The following FBXL7 variants were observed in gnomAD, a reference collection of about 807,000 sequenced individuals.
The protein encoded by FBXL7 is F-box and leucine rich repeat protein 7, also known as F-box/LRR-repeat protein 7.
FBXL7 carries 12 observed loss-of-function variants against 38.3 expected under a neutral mutation model. The ratio of observed to expected loss-of-function variants is 0.31; its 90% CI spans 0.20 to 0.51. The LOEUF (loss-of-function observed/expected upper bound fraction) is 0.51, where lower values mean the gene tolerates loss of function less well. Among genes scored for constraint, FBXL7 ranks in the 20% least tolerant of loss-of-function variants. The probability of loss-of-function intolerance (pLI) is 0.98; values close to 1 mark genes in which losing one functional copy is unlikely to be tolerated. For missense variants in FBXL7, 567 were observed against 676.4 expected (o/e 0.84, Z 1.79); for synonymous variants, 297 against 300.9 (o/e 0.99, Z 0.13).
intron 1 of FBXL7, among the ~76,000 whole-genome samples, chr5:15,562,264 G>A (rs979686192): frequency 2.0e-5 from 3 of 152,058 alleles, no homozygotes; most frequent in Non-Finnish European, 2.9e-5. Context: ...TAAACAGTGA[G>A]GTTACATCAA....
intron 1 of FBXL7, among the ~76,000 whole-genome samples, chr5:15,520,091 A>G (rs1450132740): frequency 8.5e-5 from 13 of 152,172 alleles, no homozygotes; most frequent in Admixed American, 8.5e-4. Flanking sequence ...TTGCCATGGC[A>G]TTTGTAAACT....
chr5:15,839,847 T>C (rs1195664043), intron 2 of FBXL7, among the ~76,000 whole-genome samples: 1 of 152,168 alleles, frequency 6.6e-6, no homozygotes, highest in African/African-American at 2.4e-5. Flanking sequence ...CCCCCACTTT[T>C]GGAAGGAGAG....
intron 1 of FBXL7, among the ~76,000 whole-genome samples, chr5:15,560,479 C>T (rs1258002606): frequency 2.6e-5 from 4 of 152,160 alleles, no homozygotes; most frequent in African/African-American, 9.7e-5. Flanking sequence ...CCTGGGCTCC[C>T]AACAGCTCAT....
chr5:15,543,004 G>A (rs1737798799), intron 1 of FBXL7, among the ~76,000 whole-genome samples: 1 of 152,184 alleles, frequency 6.6e-6, no homozygotes, highest in Admixed American at 6.5e-5. Flanking sequence ...AGGTTCCTGA[G>A]CAGTGAAGTT....
intron 2 of FBXL7, among the ~76,000 whole-genome samples, chr5:15,648,985 G>GT (rs1013051925): frequency 6.8e-6 from 1 of 146,836 alleles, no homozygotes; most frequent in Non-Finnish European, 1.5e-5. Flanking sequence ...CTTATTTTCT[G>GT]TTTTTTGTTT....
chr5:15,501,605 G>C, intron 1 of FBXL7: 1 of 985,542 alleles, frequency 1.0e-6, no homozygotes. Flanking sequence ...GAGGACAGTT[G>C]GTTACAAAGG....
At chr5:15,856,903 G>A (rs374948645) in intron 2 of FBXL7, among the ~76,000 whole-genome samples, 56 of 152,000 alleles carry the variant, frequency 3.7e-4, no homozygotes, top group African/African-American at 1.0e-3. Flanking sequence ...TGCATATTGC[G>A]GTCATTTTTA....
At chr5:15,870,052 G>A (rs1436072169) in intron 2 of FBXL7, among the ~76,000 whole-genome samples, 2 of 152,134 alleles carry the variant, frequency 1.3e-5, no homozygotes, top group African/African-American at 2.4e-5. Context: ...TAAGGATATA[G>A]TGATCCGCGA....
chr5:15,822,704 A>G (rs1390300672), intron 2 of FBXL7, among the ~76,000 whole-genome samples: 1 of 148,324 alleles, frequency 6.7e-6, no homozygotes, highest in Non-Finnish European at 1.5e-5. Context: ...CTTAGCAGGT[A>G]CCATGCACTG....
At chr5:15,851,757 T>C (rs1434056766) in intron 2 of FBXL7, among the ~76,000 whole-genome samples, 1 of 152,034 alleles carries the variant, frequency 6.6e-6, no homozygotes, top group Admixed American at 6.6e-5. Context: ...TAAGCCTGTG[T>C]ATTGCTATTC....
At chr5:15,767,861 T>G (rs915912195) in intron 2 of FBXL7, among the ~76,000 whole-genome samples, 1 of 152,230 alleles carries the variant, frequency 6.6e-6, no homozygotes, top group African/African-American at 2.4e-5. Context: ...AAAATGTCTT[T>G]AGAACCTAAA....
chr5:15,658,715 GC>G (rs1741959474), intron 2 of FBXL7, among the ~76,000 whole-genome samples: 1 of 152,114 alleles, frequency 6.6e-6, no homozygotes, highest in South Asian at 2.1e-4. Flanking sequence ...GTGACTGGGG[GC>G]TGCATGCACC....
In FBXL7 at chr5:15,923,291, T is replaced by C. The variant is rs115678134; in HGVS notation, c.128-4599T>C. On this transcript the variant is annotated intron_variant, in intron 2 of 3. Transcript: ENST00000504595. ...GTACAAAGAGTACACCTGGTCTTTC[T>C]ACATTCTCTTCTGTGAACGAAATAT... 3.6e-3 allele frequency among the ~76,000 whole-genome samples: 553 copies of C among 152,324 alleles called. 3 individuals are homozygous for C. Among genetic ancestry groups the C allele is most frequent in the African/African-American group, 0.013 (536 of 41,568 alleles).
At chr5:15,702,783 G>A (rs1743568950) in intron 2 of FBXL7, among the ~76,000 whole-genome samples, 1 of 152,128 alleles carries the variant, frequency 6.6e-6, no homozygotes, top group African/African-American at 2.4e-5. Flanking sequence ...CTTTGTGTGA[G>A]CAATAAAGCT....
chr5:15,816,251 G>GTATA (rs78105043), intron 2 of FBXL7, among the ~76,000 whole-genome samples: 8 of 150,940 alleles, frequency 5.3e-5, no homozygotes, highest in Admixed American at 2.0e-4. Flanking sequence ...AATCTGGTAT[G>GTATA]TATATATATA....
At chr5:15,690,507 C>T (rs993204453) in intron 2 of FBXL7, among the ~76,000 whole-genome samples, 6 of 152,052 alleles carry the variant, frequency 3.9e-5, no homozygotes, top group Middle Eastern at 3.2e-3. Flanking sequence ...TTATATTCAT[C>T]GCCTCAAATA....
At chr5:15,722,921 C>CAAAAAAAACAAA (rs1554017083) in intron 2 of FBXL7, among the ~76,000 whole-genome samples, 8 of 60,596 alleles carry the variant, frequency 1.3e-4, no homozygotes, top group African/African-American at 4.0e-4. Flanking sequence ...GACTCCGTCT[C>CAAAAAAAACAAA]AAAAAAAACA....
At chr5:15,642,887 T>C (rs934564065) in intron 2 of FBXL7, among the ~76,000 whole-genome samples, 1 of 152,240 alleles carries the variant, frequency 6.6e-6, no homozygotes, top group African/African-American at 2.4e-5. Context: ...AATGAACTGT[T>C]GGATCTCTCT....
chr5:15,803,454 G>A (rs956765103), intron 2 of FBXL7, among the ~76,000 whole-genome samples: 7 of 152,186 alleles, frequency 4.6e-5, no homozygotes, highest in Admixed American at 2.0e-4. Context: ...TATCAATTTC[G>A]TATTGAATTT....
Sources: gnomAD v4.1 joint callset for allele counts (sites outside exome capture counted in the v4.1 genomes callset) on GRCh38, gnomAD v4.1.1 for gene constraint, MANE v1.5 for transcripts, NCBI Gene and HGNC (gene_info 2026-07-23, HGNC 2026-07-21) for gene names.